PITPNM2: variants seen among roughly 807,000 people sequenced by gnomAD.
The protein encoded by PITPNM2 is membrane-associated phosphatidylinositol transfer protein 2.
Under a neutral mutation model 132.2 loss-of-function variants are expected in PITPNM2, and 35 were observed. The observed-to-expected ratio is 0.26, with a 90% CI of 0.20 to 0.35. PITPNM2 has a LOEUF of 0.35. PITPNM2 is among the 10% of genes least tolerant of loss of function. The pLI is 1.00. For synonymous variants in PITPNM2, 738 were observed against 799.2 expected (o/e 0.92, Z 1.29); for missense variants, 1,332 against 1,912.0 (o/e 0.70, Z 5.66).
chr12:123,080,854 ACCCAATAGAACTTTC>A (rs1427662417), intron 2 of PITPNM2, among the ~76,000 whole-genome samples: 1 of 152,084 alleles, frequency 6.6e-6, no homozygotes, highest in Non-Finnish European at 1.5e-5. Context: ...TGCTGGCGCC[ACCCAATAGAACTTTC>A]CCCAGTGATG....
At chr12:123,021,823 A>T in intron 3 of PITPNM2, 1 of 513,552 alleles carries the variant, frequency 1.9e-6, no homozygotes, top group Non-Finnish European at 2.5e-6. Context: ...TGATAAGTTA[A>T]CCTCTATATG....
chr12:123,132,752 A>G (rs544276925), intron 1 of PITPNM2, among the ~76,000 whole-genome samples: 18 of 151,986 alleles, frequency 1.2e-4, no homozygotes, highest in Non-Finnish European at 1.9e-4. Flanking sequence ...GGTACCTCAT[A>G]TAAGTAGAAT....
At chr12:123,018,926 G>A (rs2039559809) in intron 3 of PITPNM2, among the ~76,000 whole-genome samples, 1 of 151,772 alleles carries the variant, frequency 6.6e-6, no homozygotes, top group Non-Finnish European at 1.5e-5. Flanking sequence ...TGGGATTACA[G>A]GCGTGTGCCA....
intron 2 of PITPNM2, among the ~76,000 whole-genome samples, chr12:123,094,776 G>A (rs1414746289): frequency 6.6e-6 from 1 of 152,152 alleles, no homozygotes; most frequent in African/African-American, 2.4e-5. Flanking sequence ...GGGAAGGCCA[G>A]GTTCCCATCT....
At chr12:123,034,246 T>C in intron 3 of PITPNM2, 2 of 472,406 alleles carry the variant, frequency 4.2e-6, no homozygotes, top group Non-Finnish European at 7.6e-6. Context: ...AGGGAGATAA[T>C]GGTGCTGAAC....
intron 1 of PITPNM2, among the ~76,000 whole-genome samples, chr12:123,145,873 T>C (rs1385064110): frequency 6.6e-6 from 1 of 152,126 alleles, no homozygotes; most frequent in Non-Finnish European, 1.5e-5. Flanking sequence ...GCAGCACTAT[T>C]CACAATAGCA....
Position 123,022,522 on chromosome 12 carries a change from A to C in PITPNM2, c.79-8480T>G, listed in dbSNP as rs75229520. ...GCAAAGAGCATGAATGAGAGCCCCAAGCAGGAGATCTCCTGACCCTGTCTC... is the reference window on the plus strand; with the variant it reads ...GCAAAGAGCATGAATGAGAGCCCCACGCAGGAGATCTCCTGACCCTGTCTC... On this transcript the variant is annotated intron_variant, in intron 3 of 25. Coordinates refer to ENST00000320201, the MANE Select transcript of PITPNM2 (RefSeq NM_020845.3). The surrounding 1 kb of genome is among the most constrained non-coding windows in gnomAD (Gnocchi z 4.9). Among the ~76,000 whole-genome samples, 2 of 152,250 alleles carry C rather than the reference A, an allele frequency of 1.3e-5. No homozygotes were observed. The highest frequency in any genetic ancestry group is 3.9e-4 in the East Asian group (2 of 5,178).
chr12:122,994,692 C>T lies in PITPNM2; in HGVS notation c.2233+109G>A. 1 of 1,241,592 alleles carries T rather than the reference C, an allele frequency of 8.1e-7. No homozygotes were observed. 76.9% of individuals were successfully genotyped at this position (1,241,592 alleles called of 1,614,324 possible). Reference sequence around the variant, plus strand: ...TTGGTGGGGAAGACAGGAAGGAGGGCAGAAACAGGCCTGGGACGTGGCCAT... The same window carrying T: ...TTGGTGGGGAAGACAGGAAGGAGGGTAGAAACAGGCCTGGGACGTGGCCAT... On this transcript the variant is annotated intron_variant, in intron 15 of 25. Coordinates refer to ENST00000320201, the MANE Select transcript of PITPNM2 (RefSeq NM_020845.3). The surrounding 1 kb of genome is among the most constrained non-coding windows in gnomAD (Gnocchi z 5.4).
intron 2 of PITPNM2, among the ~76,000 whole-genome samples, chr12:123,098,913 G>C (rs760969934): frequency 1.3e-5 from 2 of 152,096 alleles, no homozygotes; most frequent in Non-Finnish European, 2.9e-5. Context: ...AGTACTGAAG[G>C]CTCATTCTGG....
rs558326689 is a variant in PITPNM2, at chr12:123,057,845, G to A, written c.-95-23160C>T. On this transcript the variant is annotated intron_variant, in intron 2 of 25. Coordinates refer to ENST00000320201, the MANE Select transcript of PITPNM2 (RefSeq NM_020845.3). Reference sequence around the variant, plus strand: ...CTTGTCCTGAATTATTAACCACAGAGGAGGAGGTACAGCTAAGGCCCTGGG... The same window carrying A: ...CTTGTCCTGAATTATTAACCACAGAAGAGGAGGTACAGCTAAGGCCCTGGG... 2.6e-5 allele frequency among the ~76,000 whole-genome samples: 4 copies of A among 152,336 alleles called. No homozygotes were observed. In the South Asian group the frequency reaches 8.3e-4, roughly 32 times the overall value.
chr12:123,046,243 G>C (rs2040651504), intron 2 of PITPNM2, among the ~76,000 whole-genome samples: 2 of 152,054 alleles, frequency 1.3e-5, no homozygotes, highest in African/African-American at 4.8e-5. Context: ...AATGGTGCCA[G>C]GGTCTCATCA....
At chr12:123,080,151 A>ACATTCTGCTTATG (rs2041914692) in intron 2 of PITPNM2, among the ~76,000 whole-genome samples, 2 of 152,332 alleles carry the variant, frequency 1.3e-5, no homozygotes, top group Non-Finnish European at 1.5e-5. Flanking sequence ...TGGATGGACC[A>ACATTCTGCTTATG]CATTCTGCTT....
chr12:123,105,052 A>C (rs900436526), intron 2 of PITPNM2, among the ~76,000 whole-genome samples: 2 of 151,732 alleles, frequency 1.3e-5, no homozygotes, highest in African/African-American at 2.4e-5. Flanking sequence ...TCTTCCCCTC[A>C]TTCACTCACT....
chr12:123,024,892 G>A (rs963940617), intron 3 of PITPNM2, among the ~76,000 whole-genome samples: 2 of 152,072 alleles, frequency 1.3e-5, no homozygotes, highest in Non-Finnish European at 2.9e-5. Context: ...TGAGTCATGT[G>A]GTGTGTGACT....
At chr12:123,021,506 T>C (rs541092222) in intron 3 of PITPNM2, among the ~76,000 whole-genome samples, 1 of 152,172 alleles carries the variant, frequency 6.6e-6, no homozygotes, top group African/African-American at 2.4e-5. Flanking sequence ...GCTAGTTTTT[T>C]ATTTTTTTGT....
intron 2 of PITPNM2, chr12:123,105,515 T>C (rs1460997827): frequency 1.3e-5 from 2 of 152,150 alleles, no homozygotes; most frequent in African/African-American, 2.4e-5. Context: ...ACAAAAGCGA[T>C]TGTCCCAGGC....
In PITPNM2 at chr12:123,034,643, G is replaced by T; in HGVS notation, c.-53C>A. On this transcript the variant is annotated 5_prime_UTR_variant, in exon 3 of 26. Transcript: ENST00000320201. ...GGGAACTGCAAGTTGGGACTTCTAG[G>T]CAAGGTTCCTTAAATAACCATGACA... 6.6e-7 allele frequency: 1 copy of T among 1,521,406 alleles called. No individual in the cohort carries two copies. Among genetic ancestry groups the T allele is most frequent in the Non-Finnish European group, 9.1e-7 (1 of 1,095,638 alleles). 94.2% of individuals were successfully genotyped at this position (1,521,406 alleles called of 1,614,324 possible). A position where few individuals can be genotyped will look rare whatever the true frequency, so the allele number is the denominator to read the frequency against.
rs922722884 is a variant in PITPNM2, at chr12:123,000,223, G to A, written c.1224+555C>T. ...GCTCAGCCCTGGCTCCTGTCCCAGT[G>A]CAAACAGCTCTGACGGCCCGCAGGT... On this transcript the variant is annotated intron_variant, in intron 10 of 25. Transcript: ENST00000320201. The surrounding 1 kb of genome is among the most constrained non-coding windows in gnomAD (Gnocchi z 5.4). 8 of 598,896 alleles carry A rather than the reference G, an allele frequency of 1.3e-5. No individual in the cohort carries two copies. Among genetic ancestry groups the A allele is most frequent in the African/African-American group, 1.1e-4 (6 of 53,778 alleles). 37.1% of individuals were successfully genotyped at this position (598,896 alleles called of 1,614,324 possible). A position where few individuals can be genotyped will look rare whatever the true frequency, so the allele number is the denominator to read the frequency against.
Position 123,106,138 on chromosome 12 carries a change from G to A in PITPNM2, c.-96+4247C>T, listed in dbSNP as rs1041615101. On this transcript the variant is annotated intron_variant, in intron 2 of 25. Transcript: ENST00000320201. The surrounding 1 kb of genome is among the most constrained non-coding windows in gnomAD (Gnocchi z 4.4). Reference sequence around the variant, plus strand: ...TTCTTCTCTTCACCCCAGATAGCCTGCTCTCAACACGGCAGCCAGAAGACA... The same window carrying A: ...TTCTTCTCTTCACCCCAGATAGCCTACTCTCAACACGGCAGCCAGAAGACA... Among the ~76,000 whole-genome samples, 21 of 152,208 alleles carry A rather than the reference G, an allele frequency of 1.4e-4. No individual in the cohort carries two copies. Among genetic ancestry groups the A allele is most frequent in the African/African-American group, 5.1e-4 (21 of 41,456 alleles).
Sources: allele counts gnomAD v4.1 joint callset (sites outside exome capture counted in the v4.1 genomes callset), GRCh38; gene constraint gnomAD v4.1.1; non-coding constraint Gnocchi (gnomAD v3.1); transcripts MANE v1.5; gene names NCBI Gene and HGNC (gene_info 2026-07-23, HGNC 2026-07-21).